Variants in TENM4 observed in about 807,000 individuals in gnomAD.
TENM4 encodes teneurin-4.
Under a neutral mutation model 243.3 loss-of-function variants are expected in TENM4, and 82 were observed. The ratio of observed to expected loss-of-function variants is 0.34; its 90% CI spans 0.28 to 0.40. TENM4 has a LOEUF of 0.40. Ranked by LOEUF, TENM4 falls within the 10% of genes least tolerant of loss-of-function variation. The pLI is 1.00. For missense variants in TENM4, 3,138 were observed against 3,673.3 expected, an observed-to-expected ratio of 0.85 and a Z score of 3.77; for synonymous variants, 1,412 against 1,456.3, an observed-to-expected ratio of 0.97 and a Z score of 0.69.
At chr11:79,121,892 T>C (rs533586663) in intron 4 of TENM4, among the ~76,000 whole-genome samples, 2 of 152,346 alleles carry the variant, frequency 1.3e-5, no homozygotes, top group Admixed American at 6.5e-5. Flanking sequence ...GGATAATACC[T>C]TTCTTGTTTA....
At chr11:78,733,100 C>A (rs1265377477) in intron 20 of TENM4, among the ~76,000 whole-genome samples, 1 of 152,194 alleles carries the variant, frequency 6.6e-6, no homozygotes, top group Non-Finnish European at 1.5e-5. Flanking sequence ...TTCTATGACT[C>A]CACAGCAATC....
intron 6 of TENM4, among the ~76,000 whole-genome samples, chr11:78,934,985 GGAA>G (rs1856751472): frequency 1.4e-5 from 2 of 145,678 alleles, no homozygotes; most frequent in Admixed American, 1.4e-4. Flanking sequence ...TTGTGAGTGA[GGAA>G]GTATGCAACT....
At chr11:79,192,352 A>T (rs7942681) in intron 3 of TENM4, among the ~76,000 whole-genome samples, 10,719 of 152,260 alleles carry the variant, frequency 0.07, 867 homozygotes, top group East Asian at 0.4. Flanking sequence ...AAAGATTGAG[A>T]AATCGGATGG....
At chr11:78,759,819 T>C (rs11237603) in intron 18 of TENM4, among the ~76,000 whole-genome samples, 1,671 of 152,256 alleles carry the variant, frequency 0.011, 12 homozygotes, top group South Asian at 0.028. Flanking sequence ...AGGCTCAAAG[T>C]GGTAAAGCAA....
chr11:79,338,179 A>G (rs1413008241), intron 1 of TENM4, among the ~76,000 whole-genome samples: 1 of 152,198 alleles, frequency 6.6e-6, no homozygotes, highest in Non-Finnish European at 1.5e-5. Context: ...TTGTCAAATG[A>G]ATGATTGAAT....
chr11:78,944,545 C>T (rs1856971245), intron 6 of TENM4, among the ~76,000 whole-genome samples: 2 of 152,196 alleles, frequency 1.3e-5, no homozygotes, highest in Non-Finnish European at 2.9e-5. Flanking sequence ...GGGCAGAAAT[C>T]ACAGTGCATT....
At chr11:78,750,236 C>T (rs922179104) in intron 19 of TENM4, among the ~76,000 whole-genome samples, 1 of 152,204 alleles carries the variant, frequency 6.6e-6, no homozygotes, top group Non-Finnish European at 1.5e-5. Context: ...TCATGAAATA[C>T]ATATTCTTTT....
At chr11:78,829,884 G>A (rs867004230) in intron 12 of TENM4, among the ~76,000 whole-genome samples, 1 of 152,320 alleles carries the variant, frequency 6.6e-6, no homozygotes, top group Middle Eastern at 3.4e-3. Flanking sequence ...TGTGCATGCA[G>A]GTGCGTGTAC....
intron 4 of TENM4, among the ~76,000 whole-genome samples, chr11:79,081,872 C>G (rs777491156): frequency 6.6e-6 from 1 of 152,100 alleles, no homozygotes; most frequent in Non-Finnish European, 1.5e-5. Context: ...TGACTGAAGC[C>G]CACACAATAG....
At chr11:78,754,442 G>A (rs1235296040) in intron 19 of TENM4, among the ~76,000 whole-genome samples, 4 of 152,296 alleles carry the variant, frequency 2.6e-5, no homozygotes, top group East Asian at 3.9e-4. Context: ...TACAGGAGAC[G>A]TGTCCCTGCT....
At chr11:78,995,252 T>C (rs1428505423) in intron 6 of TENM4, among the ~76,000 whole-genome samples, 3 of 152,006 alleles carry the variant, frequency 2.0e-5, no homozygotes, top group African/African-American at 7.3e-5. Context: ...TGTGATAGGA[T>C]GAGATAAGAC....
At chr11:79,037,215 G>A (rs1300357672) in intron 6 of TENM4, among the ~76,000 whole-genome samples, 1 of 152,148 alleles carries the variant, frequency 6.6e-6, no homozygotes, top group Non-Finnish European at 1.5e-5. Context: ...AACCTCAAAT[G>A]TGGTCCCTTT....
intron 9 of TENM4, among the ~76,000 whole-genome samples, chr11:78,879,430 C>CCT (rs1859366130): frequency 6.7e-6 from 1 of 148,744 alleles, no homozygotes; most frequent in African/African-American, 2.5e-5. Flanking sequence ...CCGGCCGCCC[C>CCT]GTCTGGGAGG....
rs1857910158 is a variant in TENM4, at chr11:78,656,946, A to G, written c.*1112T>C. Reference sequence around the variant, plus strand: ...CTTTTTTTGTTAAGCATTTTTCCAGAATCAAAGGCCACCAAGCACCTCCCT... The same window carrying G: ...CTTTTTTTGTTAAGCATTTTTCCAGGATCAAAGGCCACCAAGCACCTCCCT... On this transcript the variant is annotated 3_prime_UTR_variant, in exon 34 of 34. Coordinates refer to ENST00000278550, the MANE Select transcript of TENM4 (RefSeq NM_001098816.3). 2.5e-6 allele frequency: 1 copy of G among 398,132 alleles called. No individual in the cohort carries two copies. The highest frequency in any genetic ancestry group is 3.6e-5 in the East Asian group (1 of 28,062). The allele number at this position is 398,132 out of a possible 1,614,324, so 24.7% of individuals were successfully genotyped here.
At chr11:79,399,302 A>G (rs1048289318) in intron 1 of TENM4, among the ~76,000 whole-genome samples, 1 of 152,190 alleles carries the variant, frequency 6.6e-6, no homozygotes, top group African/African-American at 2.4e-5. Flanking sequence ...AAGGAGAATC[A>G]GCTGAAATGA....
intron 12 of TENM4, among the ~76,000 whole-genome samples, chr11:78,816,039 T>C (rs78231989): frequency 0.029 from 4,346 of 152,316 alleles, 195 homozygotes; most frequent in African/African-American, 0.099. Context: ...TGTGTCCTGA[T>C]TGAGAAATAC....
intron 1 of TENM4, among the ~76,000 whole-genome samples, chr11:79,425,670 AG>A (rs1859033494): frequency 2.0e-5 from 3 of 152,204 alleles, no homozygotes. Context: ...AGCACACAGT[AG>A]GGGCACAAAT....
At position 79,055,493 on chromosome 11, in the gene TENM4, C is replaced by T. The variant is rs183564000; in HGVS notation, c.493+9245G>A. 5.2e-3 allele frequency among the ~76,000 whole-genome samples: 799 copies of T among 152,222 alleles called. 5 individuals are homozygous for T. The highest frequency in any genetic ancestry group is 0.018 in the African/African-American group (753 of 41,520). On this transcript the variant is annotated intron_variant, in intron 6 of 33. Coordinates refer to ENST00000278550, the MANE Select transcript of TENM4 (RefSeq NM_001098816.3). ...CTGACCTCAAGTGATCTGCCTGTCT[C>T]GGCCTCCCAAAGTGCTGGGATTATG...
At chr11:78,865,178 T>C (rs80281912) in intron 9 of TENM4, among the ~76,000 whole-genome samples, 2 of 152,360 alleles carry the variant, frequency 1.3e-5, no homozygotes, top group East Asian at 3.9e-4. Flanking sequence ...GGCATTAGGC[T>C]GAGAGCATTA....
Sources: allele counts gnomAD v4.1 joint callset (sites outside exome capture counted in the v4.1 genomes callset), GRCh38; gene constraint gnomAD v4.1.1; transcripts MANE v1.5; gene names NCBI Gene and HGNC (gene_info 2026-07-23, HGNC 2026-07-21).